Variants in RNF216 observed in about 807,000 individuals in gnomAD.
RNF216 encodes ring finger protein 216, also known as E3 ubiquitin-protein ligase RNF216.
A neutral mutation model predicts 110.8 loss-of-function variants in RNF216; 72 were observed. The ratio of observed to expected loss-of-function variants is 0.65; its 90% CI spans 0.54 to 0.79. The LOEUF is 0.79. RNF216 is among the 30% of genes least tolerant of loss of function. The pLI is 0.00. For missense variants in RNF216, 1,342 were observed against 1,141.2 expected, an observed-to-expected ratio of 1.18 and a Z score of -2.54; for synonymous variants, 495 against 407.5, an observed-to-expected ratio of 1.21 and a Z score of -2.59.
chr7:5,652,634 C>A, intron 13 of RNF216, 124 bp from the exon 14 acceptor site: 3 of 678,390 alleles, frequency 4.4e-6, no homozygotes, highest in Middle Eastern at 2.6e-4. Flanking sequence ...GATGCCTCTC[C>A]TTTTCAGGGG....
At chr7:5,627,480 G>C (rs974944858) in intron 15 of RNF216, among the ~76,000 whole-genome samples, 1 of 152,188 alleles carries the variant, frequency 6.6e-6, no homozygotes, top group Non-Finnish European at 1.5e-5. Context: ...ACACTCGGTG[G>C]TTCACGCCTG....
chr7:5,717,068 G>C (rs1793108527), intron 9 of RNF216, among the ~76,000 whole-genome samples: 2 of 152,094 alleles, frequency 1.3e-5, no homozygotes, highest in African/African-American at 4.8e-5. Context: ...TAAAAACTAA[G>C]TTTGGCCGGG....
At chr7:5,773,638 G>A (rs895826646) in intron 1 of RNF216, among the ~76,000 whole-genome samples, 1 of 152,186 alleles carries the variant, frequency 6.6e-6, no homozygotes, top group East Asian at 1.9e-4. Flanking sequence ...CACGATCTCA[G>A]CTCACTGCAA....
At chr7:5,647,125 A>G (rs963251396) in intron 14 of RNF216, among the ~76,000 whole-genome samples, 1 of 152,004 alleles carries the variant, frequency 6.6e-6, no homozygotes, top group Non-Finnish European at 1.5e-5. Flanking sequence ...AGGTGAAAAA[A>G]AAAAAGGGAA....
intron 13 of RNF216, among the ~76,000 whole-genome samples, chr7:5,682,676 G>T (rs1790736817): frequency 6.6e-6 from 1 of 152,046 alleles, no homozygotes; most frequent in Non-Finnish European, 1.5e-5. Context: ...CAAAGGGCTG[G>T]GATATCGGCG....
At chr7:5,707,045 G>A (rs897014052) in intron 13 of RNF216, among the ~76,000 whole-genome samples, 1 of 152,192 alleles carries the variant, frequency 6.6e-6, no homozygotes, top group Non-Finnish European at 1.5e-5. Context: ...TTTTCCCCCG[G>A]TGGGTGTTCT....
At chr7:5,746,900 G>A (rs929144017) in intron 3 of RNF216, among the ~76,000 whole-genome samples, 15 of 152,176 alleles carry the variant, frequency 9.9e-5, no homozygotes, top group Admixed American at 6.5e-5. Flanking sequence ...CGGAGAGAAC[G>A]AGATTCTTAC....
At chr7:5,652,947 A>C (rs1043870640) in intron 13 of RNF216, among the ~76,000 whole-genome samples, 91 of 152,186 alleles carry the variant, frequency 6.0e-4, no homozygotes, top group African/African-American at 2.1e-3. Flanking sequence ...CCATCTGAAA[A>C]AACCAAAGGA....
intron 13 of RNF216, among the ~76,000 whole-genome samples, chr7:5,698,954 T>A (rs959141893): frequency 1.3e-5 from 2 of 151,592 alleles, no homozygotes; most frequent in South Asian, 4.2e-4. Context: ...TCCCCAAGAG[T>A]GAACTGGAAA....
intron 1 of RNF216, among the ~76,000 whole-genome samples, chr7:5,777,023 G>C (rs988282245): frequency 6.6e-6 from 1 of 152,090 alleles, no homozygotes; most frequent in Non-Finnish European, 1.5e-5. Flanking sequence ...CTTTCACTTA[G>C]GGCTCCTGGG....
rs372177142 is a variant in RNF216, at chr7:5,687,394, CAAAAAAAAA to C, written c.2061+24358_2061+24366del. Among the ~76,000 whole-genome samples, 328 of 49,916 alleles carry C rather than the reference CAAAAAAAAA, an allele frequency of 6.6e-3. 3 individuals are homozygous for C. The highest frequency in any genetic ancestry group is 0.017 in the South Asian group (23 of 1,384). The allele number at this position is 49,916 out of a possible 152,430, so 32.7% of individuals were successfully genotyped here. A position where few individuals can be genotyped will look rare whatever the true frequency, so the allele number is the denominator to read the frequency against. On this transcript the variant is annotated intron_variant, in intron 13 of 16. Transcript: ENST00000389902. ...GGGCAACAAGAGTGAAACTCCACCT[CAAAAAAAAA>C]AAAAAAAAAAAGAAAAAGAAAAGAA...
chr7:5,680,453 G>C lies in RNF216; in HGVS notation c.2062-27943C>G, dbSNP rs928905193. Reference sequence around the variant, plus strand: ...AGTCTTGCCCTGTCGCCAGCCTGGAGAGCAGTGGTGCGATCTCGGCTCACT... The same window carrying C: ...AGTCTTGCCCTGTCGCCAGCCTGGACAGCAGTGGTGCGATCTCGGCTCACT... On this transcript the variant is annotated intron_variant, in intron 13 of 16. Transcript: ENST00000389902. This position sits in a 1 kb window ranked among gnomAD's most constrained non-coding sequence, Gnocchi z 4.3. 1 of 152,240 alleles carries C rather than the reference G, an allele frequency of 6.6e-6. No homozygotes were observed. The highest frequency in any genetic ancestry group is 2.4e-5 in the African/African-American group (1 of 41,432). The allele number at this position is 152,240 out of a possible 1,614,324, so 9.4% of individuals were successfully genotyped here.
At chr7:5,650,366 G>A (rs1012886288) in intron 14 of RNF216, among the ~76,000 whole-genome samples, 5 of 152,184 alleles carry the variant, frequency 3.3e-5, no homozygotes, top group African/African-American at 1.2e-4. Context: ...CCAGTGCCAG[G>A]AACCGATAGG....
At chr7:5,635,867 C>T (rs374834777) in intron 15 of RNF216, among the ~76,000 whole-genome samples, 2 of 152,266 alleles carry the variant, frequency 1.3e-5, no homozygotes, top group Admixed American at 6.5e-5. Flanking sequence ...AATGGCTAGG[C>T]GATAATTGTA....
chr7:5,637,320 C>G (rs1050433449), intron 15 of RNF216, among the ~76,000 whole-genome samples: 2 of 152,182 alleles, frequency 1.3e-5, no homozygotes, highest in African/African-American at 2.4e-5. Flanking sequence ...GTACAAAAAG[C>G]CTCCTTTTCT....
At chr7:5,743,740 G>C (rs899716832) in intron 3 of RNF216, among the ~76,000 whole-genome samples, 1 of 152,208 alleles carries the variant, frequency 6.6e-6, no homozygotes, top group African/African-American at 2.4e-5. Context: ...CCTCTGGGAA[G>C]TCCCTAGAAG....
chr7:5,736,090 C>T (rs1277212167), intron 5 of RNF216, among the ~76,000 whole-genome samples: 1 of 147,758 alleles, frequency 6.8e-6, no homozygotes, highest in East Asian at 2.0e-4. Context: ...GAGACTCCGT[C>T]TCAAAAATAA....
In RNF216 at chr7:5,718,212, C is replaced by A. The variant is rs1584505225; in HGVS notation, c.1645-1446G>T. Among the ~76,000 whole-genome samples, 4 of 152,020 alleles carry A rather than the reference C, an allele frequency of 2.6e-5. 1 individual carries two copies. The Middle Eastern group carries it at 0.014, about 517-fold the overall frequency. ...CCTGGTCAACATGGCGAAACCCTGTCTCTACTAAAAATACAAAAATTAGCC... is the reference window on the plus strand; with the variant it reads ...CCTGGTCAACATGGCGAAACCCTGTATCTACTAAAAATACAAAAATTAGCC... On this transcript the variant is annotated intron_variant, in intron 9 of 16. Transcript: ENST00000389902.
intron 7 of RNF216, among the ~76,000 whole-genome samples, chr7:5,728,423 T>C (rs1377125293): frequency 2.0e-5 from 3 of 151,736 alleles, no homozygotes; most frequent in African/African-American, 2.4e-5. Flanking sequence ...TTACTAAAAA[T>C]ACCAACCAGG....
Sources: allele counts gnomAD v4.1 joint callset (sites outside exome capture counted in the v4.1 genomes callset), GRCh38; gene constraint gnomAD v4.1.1; non-coding constraint Gnocchi (gnomAD v3.1); transcripts MANE v1.5; gene names NCBI Gene and HGNC (gene_info 2026-07-23, HGNC 2026-07-21).